The following DDX59 variants were observed in gnomAD, a reference collection of about 807,000 sequenced individuals.
DDX59 encodes the protein DEAD-box helicase 59.
In DDX59, 30 loss-of-function variants were observed where a neutral mutation model predicts 51.9. The observed-to-expected ratio is 0.58, with a 90% CI of 0.43 to 0.78. The LOEUF (loss-of-function observed/expected upper bound fraction) is 0.78. Among genes scored for constraint, DDX59 ranks in the 30% least tolerant of loss-of-function variants. The pLI is 0.00. For synonymous variants in DDX59, 255 were observed against 253.3 expected (o/e 1.01, Z -0.06); for missense variants, 672 against 730.8 (o/e 0.92, Z 0.93).
At position 200,644,397 on chromosome 1, in the gene DDX59, G is replaced by A. The variant is rs1308996258; in HGVS notation, c.1717C>T (p.Pro573Ser). 1.9e-6 allele frequency: 3 copies of A among 1,613,792 alleles called. No homozygotes were observed. Among genetic ancestry groups the A allele is most frequent in the African/African-American group, 1.3e-5 (1 of 74,992 alleles). Residue 573 changes from proline (P) to serine (S), a missense_variant, in exon 8 of 8, where the codon CCT becomes TCT. Coordinates refer to ENST00000331314, the MANE Select transcript of DDX59 (RefSeq NM_001031725.6). ...AGGTATGGGGAATTTAATAACTGAG[G>A]GGGAAGAATGGATCCTGTGGGCTTT... ...RVKPTGSILP[P>S]QLLNSPYLHD...
chr1:200,643,642 C>CAAAACA (rs920557370), downstream of DDX59, among the ~76,000 whole-genome samples: 6 of 151,752 alleles, frequency 4.0e-5, no homozygotes, highest in South Asian at 2.1e-4. Flanking sequence ...GACTCTGTCT[C>CAAAACA]AAAACAAAAA....
intron 7 of DDX59, among the ~76,000 whole-genome samples, chr1:200,646,351 C>CA (rs900814006): frequency 4.4e-4 from 65 of 147,134 alleles, no homozygotes; most frequent in South Asian, 1.1e-3. Context: ...AACAAACAAA[C>CA]AAAAAAAAAA....
At chr1:200,657,028 T>C (rs1662067394) in intron 4 of DDX59, among the ~76,000 whole-genome samples, 1 of 152,210 alleles carries the variant, frequency 6.6e-6, no homozygotes, top group East Asian at 1.9e-4. Context: ...GGTGAGCAGA[T>C]CACTTGAGGC....
rs1179748550 is a variant in DDX59 at position 200,652,149 on chromosome 1, T to C, written c.1063-1473A>G. On this transcript the variant is annotated intron_variant, in intron 4 of 7. Coordinates refer to ENST00000331314, the MANE Select transcript of DDX59 (RefSeq NM_001031725.6). ...GATTCAGGATAATTCTTTTAAACTA[T>C]TACGGCATGGGGGTGTTTGTTTTGA... Among the ~76,000 whole-genome samples the C allele has an allele frequency of 2.0e-5, 3 of 152,190 alleles. No homozygotes were observed. In the East Asian group the frequency reaches 5.8e-4, roughly 29 times the overall value.
In DDX59 at chr1:200,666,618, G is replaced by A. The variant is rs533727818; in HGVS notation, c.123C>T (p.Pro41=). Residue 41 remains proline, a synonymous_variant, in exon 2 of 8, where the codon CCC becomes CCT. Coordinates refer to ENST00000331314, the MANE Select transcript of DDX59 (RefSeq NM_001031725.6). ...CTGCTTCTGTAGCTACAGCATCAAC[G>A]GGAACATCTCTGCTTTTGTCCAACT... ...DLQLDKSRDV[P]VDAVATEAAT... The A allele has an allele frequency of 2.2e-5, 35 of 1,614,112 alleles. No individual in the cohort carries two copies. The highest frequency in any genetic ancestry group is 1.5e-4 in the Admixed American group (9 of 60,008).
chr1:200,664,316 G>C (rs529949963), intron 2 of DDX59, among the ~76,000 whole-genome samples: 14 of 152,306 alleles, frequency 9.2e-5, no homozygotes, highest in African/African-American at 3.4e-4. Flanking sequence ...TGGGGCTGGG[G>C]AGAGGTGTCC....
chr1:200,655,696 TC>T (rs1414342519), intron 4 of DDX59, among the ~76,000 whole-genome samples: 1 of 152,204 alleles, frequency 6.6e-6, no homozygotes, highest in Non-Finnish European at 1.5e-5. Flanking sequence ...GTTTTCTCAA[TC>T]TTTTTCCATC....
At chr1:200,655,462 GA>G (rs1661961533) in intron 4 of DDX59, among the ~76,000 whole-genome samples, 1 of 152,118 alleles carries the variant, frequency 6.6e-6, no homozygotes, top group Non-Finnish European at 1.5e-5. Flanking sequence ...CAATAATTTA[GA>G]AAGCCTCACT....
At chr1:200,667,527 G>A (rs1422258569) in intron 1 of DDX59, among the ~76,000 whole-genome samples, 1 of 152,156 alleles carries the variant, frequency 6.6e-6, no homozygotes, top group African/African-American at 2.4e-5. Context: ...TTGTAACACT[G>A]CACACTGCTC....
chr1:200,667,632 T>C (rs1040429361), intron 1 of DDX59, among the ~76,000 whole-genome samples: 6 of 152,180 alleles, frequency 3.9e-5, no homozygotes, highest in African/African-American at 1.4e-4. Flanking sequence ...AATCCTTCTA[T>C]TATAGCATCA....
intron 1 of DDX59, among the ~76,000 whole-genome samples, chr1:200,667,063 G>A (rs917166281): frequency 2.0e-5 from 3 of 151,330 alleles, no homozygotes; most frequent in East Asian, 2.0e-4. Flanking sequence ...AGCCGAGATC[G>A]TGCCACTGCC....
At chr1:200,663,892 A>T (rs1662536330) in intron 3 of DDX59, 27 bp downstream of exon 3, 1 of 1,512,468 alleles carries the variant, frequency 6.6e-7, no homozygotes. Flanking sequence ...AAACTTTTCA[A>T]AGACATTGTA....
chr1:200,642,570 A>C (rs1269544537), downstream of DDX59, among the ~76,000 whole-genome samples: 1 of 152,252 alleles, frequency 6.6e-6, no homozygotes, highest in African/African-American at 2.4e-5. Flanking sequence ...ACAGAAGAGC[A>C]GACATGTGAG....
intron 2 of DDX59, 54 bp from the exon 3 acceptor site, chr1:200,664,140 T>G (rs938058610): frequency 1.9e-6 from 3 of 1,569,930 alleles, no homozygotes; most frequent in Non-Finnish European, 2.6e-6. Context: ...TTCCTGCTGA[T>G]ATGAACTAAA....
At position 200,656,137 on chromosome 1, in the gene DDX59, T is replaced by C. The variant is rs145997142; in HGVS notation, c.1062+2890A>G. The stretch of plus-strand genomic sequence containing the variant: ...GAGCCAACGTGCCTGGCCATACAGT[T>C]CAATTTTTTCACTAGTATCTTCTAT... On this transcript the variant is annotated intron_variant, in intron 4 of 7. Coordinates refer to ENST00000331314, the MANE Select transcript of DDX59 (RefSeq NM_001031725.6). Among the ~76,000 whole-genome samples, 518 of 152,290 alleles carry C rather than the reference T, an allele frequency of 3.4e-3. 1 individual carries two copies. Among genetic ancestry groups the C allele is most frequent in the African/African-American group, 0.012 (497 of 41,556 alleles).
chr1:200,665,183 C>G (rs1485113389), intron 2 of DDX59, among the ~76,000 whole-genome samples: 1 of 152,114 alleles, frequency 6.6e-6, no homozygotes. Flanking sequence ...AGGCTAGGTG[C>G]GGTGGCTCAT....
intron 4 of DDX59, among the ~76,000 whole-genome samples, chr1:200,658,532 T>C (rs888057576): frequency 6.6e-6 from 1 of 152,074 alleles, no homozygotes; most frequent in African/African-American, 2.4e-5. Flanking sequence ...GACCTATCTC[T>C]ACAAAAACCA....
At chr1:200,650,785 G>C in intron 4 of DDX59, 109 bp from the exon 5 acceptor site, 1 of 985,734 alleles carries the variant, frequency 1.0e-6, no homozygotes, top group Non-Finnish European at 1.4e-6. Flanking sequence ...TTCCTAAATA[G>C]AAAACTATAC....
rs754491646 is a variant in DDX59, at chr1:200,644,360, T to C, written c.1754A>G (p.Lys585Arg). 2 of 1,613,874 alleles carry C rather than the reference T, an allele frequency of 1.2e-6. No homozygotes were observed. The highest frequency in any genetic ancestry group is 2.7e-5 in the African/African-American group (2 of 74,928). The change falls in exon 8 of 8, where the codon AAG becomes AGG. Residue 585 changes from lysine (K) to arginine (R), a missense_variant. Lys to Arg is a conservative substitution (Grantham distance 26). Coordinates refer to ENST00000331314, the MANE Select transcript of DDX59 (RefSeq NM_001031725.6). ...LLNSPYLHDQ[K>R]RKEQQKDKQT... ...TTTATCTTTCTGTTGTTCCTTTCTCTTCTGGTCATGAAGGTATGGGGAATT... is the reference window on the plus strand; with the variant it reads ...TTTATCTTTCTGTTGTTCCTTTCTCCTCTGGTCATGAAGGTATGGGGAATT...
Sources: allele counts gnomAD v4.1 joint callset (sites outside exome capture counted in the v4.1 genomes callset), GRCh38; gene constraint gnomAD v4.1.1; transcripts MANE v1.5; gene names NCBI Gene and HGNC (gene_info 2026-07-23, HGNC 2026-07-21).